Variants in REX1BD observed in about 807,000 individuals in gnomAD.
REX1BD encodes required for excision 1-B domain containing.
In REX1BD, 22 loss-of-function variants were observed where a neutral mutation model predicts 24.4. The observed-to-expected ratio is 0.90, with a 90% confidence interval of 0.64 to 1.29. The LOEUF is 1.29. Ranked by LOEUF, REX1BD falls within the 50% of genes most tolerant of loss-of-function variation. The pLI, the probability that REX1BD is intolerant of heterozygous loss-of-function variation, is 0.00. For synonymous variants in REX1BD, 146 were observed against 125.9 expected (o/e 1.16, Z -1.07); for missense variants, 293 against 285.3 (o/e 1.03, Z -0.19).
Position 18,588,800 on chromosome 19 carries a change from T to A in REX1BD, c.-2T>A. On this transcript the variant is annotated 5_prime_UTR_variant, in exon 1 of 5. Coordinates refer to ENST00000358607, the MANE Select transcript of REX1BD (RefSeq NM_001100418.2). The stretch of plus-strand genomic sequence containing the variant: ...CCGGAGCCTGGCCAGGGCTGCGCAG[T>A]CATGATCACCGAGACCGCGGCGGAG... 6.5e-7 allele frequency: 1 copy of A among 1,531,752 alleles called. No homozygotes were observed. Among genetic ancestry groups the A allele is most frequent in the Non-Finnish European group, 8.7e-7 (1 of 1,145,422 alleles). 94.9% of individuals were successfully genotyped at this position (1,531,752 alleles called of 1,614,324 possible).
rs1469100208 is a variant in REX1BD at position 18,589,545 on chromosome 19, C to T, written c.315C>T (p.His105=). The change falls in exon 3 of 5, where the codon CAC becomes CAT. Residue 105 remains histidine, a synonymous_variant. Coordinates refer to ENST00000358607, the MANE Select transcript of REX1BD (RefSeq NM_001100418.2). ...YDFARYRSTV[H]GVTQAFAAAS... ...TCGCGCGCTACCGGAGCACAGTGCA[C>T]GGGGTGACCCAGGCCTTCGCCGCCG... is the stretch of plus-strand genomic sequence containing the variant. The T allele has an allele frequency of 6.3e-7, 1 of 1,577,024 alleles. No individual in the cohort carries two copies. Among genetic ancestry groups the T allele is most frequent in the Non-Finnish European group, 8.6e-7 (1 of 1,168,778 alleles).
In REX1BD at chr19:18,589,176, T is replaced by C. The variant is rs950904825; in HGVS notation, c.182+99T>C. On this transcript the variant is annotated intron_variant, in intron 2 of 4. Coordinates refer to ENST00000358607, the MANE Select transcript of REX1BD (RefSeq NM_001100418.2). ...GTGCCTGGAGGAGGAGCTGGGTCCT[T>C]GTGTGGCTGCAGAGTCAGATGGGGC... 3 of 1,484,082 alleles carry C rather than the reference T, an allele frequency of 2.0e-6. No individual in the cohort carries two copies. The African/African-American group carries it at 4.2e-5, about 21-fold the overall frequency. The allele number at this position is 1,484,082 out of a possible 1,614,324, so 91.9% of individuals were successfully genotyped here.
Position 18,589,660 on chromosome 19 carries a change from C to G in REX1BD, c.430C>G (p.Leu144Val). 10 of 1,494,124 alleles carry G rather than the reference C, an allele frequency of 6.7e-6. No individual in the cohort carries two copies. The highest frequency in any genetic ancestry group is 8.9e-6 in the Non-Finnish European group (10 of 1,129,934). The allele number at this position is 1,494,124 out of a possible 1,614,324, so 92.6% of individuals were successfully genotyped here. A position where few individuals can be genotyped will look rare whatever the true frequency, so the allele number is the denominator to read the frequency against. ...LAGHVRSLQE[L>V]EQTRLGTVAL... is the part of the protein sequence containing the mutation. ...CGGCCACGTGCGCAGCCTGCAGGAG[C>G]TGGAGCAGACGCGGCTGGGCACGGT... Residue 144 changes from leucine (L) to valine (V), a missense_variant, in exon 3 of 5, where the codon CTG becomes GTG. Transcript: ENST00000358607.
At chr19:18,590,079 C>A in intron 3 of REX1BD, 1 of 213,362 alleles carries the variant, frequency 4.7e-6, no homozygotes, top group East Asian at 1.1e-4. Flanking sequence ...TCCTCCATCA[C>A]AGCTTTAGTT....
rs1327728427 is a variant in REX1BD at position 18,592,092 on chromosome 19, C to A, written c.534-16C>A. On this transcript the variant is annotated splice_polypyrimidine_tract_variant and intron_variant, in intron 4 of 4. Coordinates refer to ENST00000358607, the MANE Select transcript of REX1BD (RefSeq NM_001100418.2). ...CCCATCTGGGTTTTATTTATAGTTCCCATCCGCTCTTGTAGGGTAATTAAA... is the reference window on the plus strand; with the variant it reads ...CCCATCTGGGTTTTATTTATAGTTCACATCCGCTCTTGTAGGGTAATTAAA... 6.2e-7 allele frequency: 1 copy of A among 1,613,954 alleles called. No homozygotes were observed. The highest frequency in any genetic ancestry group is 2.2e-5 in the East Asian group (1 of 44,890).
At chr19:18,589,312 G>A in intron 2 of REX1BD, 101 bp from the exon 3 acceptor site, 1 of 1,544,394 alleles carries the variant, frequency 6.5e-7, no homozygotes, top group Non-Finnish European at 8.7e-7. Flanking sequence ...AAGAGCAGGG[G>A]TGGGCCTGTC....
Position 18,588,855 on chromosome 19 carries a change from G to A in REX1BD, c.54G>A (p.Glu18=). 1 of 1,533,330 alleles carries A rather than the reference G, an allele frequency of 6.5e-7. No individual in the cohort carries two copies. The allele number at this position is 1,533,330 out of a possible 1,614,324, so 95.0% of individuals were successfully genotyped here. A position where few individuals can be genotyped will look rare whatever the true frequency, so the allele number is the denominator to read the frequency against. The part of the protein sequence containing the change: ...EPTVPAVPAA[E]EATEARGREE... The stretch of plus-strand genomic sequence containing the variant: ...CGGTCCCTGCAGTGCCTGCTGCTGA[G>A]GAGGCCACCGAAGCTCGGGGACGCG... The change falls in exon 1 of 5, where the codon GAG becomes GAA. Residue 18 remains glutamate (E), a synonymous_variant. Transcript: ENST00000358607.
chr19:18,588,833 T>C lies in REX1BD; in HGVS notation c.32T>C (p.Val11Ala). 6.5e-7 allele frequency: 1 copy of C among 1,531,874 alleles called. No individual in the cohort carries two copies. The highest frequency in any genetic ancestry group is 2.5e-5 in the East Asian group (1 of 40,544). The allele number at this position is 1,531,874 out of a possible 1,614,324, so 94.9% of individuals were successfully genotyped here. MITETAAEPT[V>A]PAVPAAEEAT... ...ACCGAGACCGCGGCGGAGCCTACGG[T>C]CCCTGCAGTGCCTGCTGCTGAGGAG... Residue 11 changes from valine to alanine, a missense_variant, in exon 1 of 5, where the codon GTC becomes GCC. Coordinates refer to ENST00000358607, the MANE Select transcript of REX1BD (RefSeq NM_001100418.2).
Position 18,589,461 on chromosome 19 carries a change from G to T in REX1BD, c.231G>T (p.Arg77Ser). 2 of 1,557,664 alleles carry T rather than the reference G, an allele frequency of 1.3e-6. No homozygotes were observed. Among genetic ancestry groups the T allele is most frequent in the Non-Finnish European group, 1.7e-6 (2 of 1,151,876 alleles). The part of the protein sequence containing the change: ...QGLRAWGRGL[R>S]VPTCRRGHRQ... Reference sequence around the variant, plus strand: ...TGAGAGCCTGGGGGCGCGGCCTCAGGGTCCCCACATGCCGCAGAGGCCACC... The same window carrying T: ...TGAGAGCCTGGGGGCGCGGCCTCAGTGTCCCCACATGCCGCAGAGGCCACC... The change falls in exon 3 of 5, where the codon AGG (arginine) becomes AGT (serine). Residue 77 changes from arginine to serine, a missense_variant. Coordinates refer to ENST00000358607, the MANE Select transcript of REX1BD (RefSeq NM_001100418.2).
At chr19:18,589,260 A>G in intron 2 of REX1BD, 153 bp from the exon 3 acceptor site, 1 of 1,535,560 alleles carries the variant, frequency 6.5e-7, no homozygotes, top group Non-Finnish European at 8.7e-7. Context: ...GCACGTCCCC[A>G]CTACCCGACG....
At chr19:18,589,120 C>G (rs1202059317) in intron 2 of REX1BD, 43 bp downstream of exon 2, 1 of 1,461,306 alleles carries the variant, frequency 6.8e-7, no homozygotes, top group South Asian at 1.4e-5. Flanking sequence ...GTCCCCCGCC[C>G]GCTCCGGGCG....
intron 3 of REX1BD, chr19:18,590,588 C>T (rs373673665): frequency 1.5e-5 from 6 of 392,528 alleles, no homozygotes; most frequent in East Asian, 1.5e-4. Context: ...CCCACCCCTA[C>T]GGCCAATGCC....
intron 3 of REX1BD, 122 bp downstream of exon 3, chr19:18,589,805 A>C (rs1976000968): frequency 3.8e-6 from 5 of 1,311,406 alleles, no homozygotes; most frequent in Non-Finnish European, 5.0e-6. Context: ...TTCCTGTCCC[A>C]CCCCAATCCT....
At chr19:18,589,855 C>A (rs10416678) in intron 3 of REX1BD, 172 bp downstream of exon 3, 1 of 1,016,048 alleles carries the variant, frequency 9.8e-7, no homozygotes, top group Non-Finnish European at 1.3e-6. Context: ...ACCTTGCCCT[C>A]TGCTGTTCAT....
chr19:18,590,211 G>GTTTTTTTTTTTTT (rs372846586), intron 3 of REX1BD: 1 of 73,312 alleles, frequency 1.4e-5, no homozygotes, highest in African/African-American at 7.1e-5. Flanking sequence ...TTTTCTTTCT[G>GTTTTTTTTTTTTT]GTGTTTTTTT....
chr19:18,590,712 T>C, intron 3 of REX1BD, 142 bp from the exon 4 acceptor site: 1 of 720,286 alleles, frequency 1.4e-6, no homozygotes, highest in Non-Finnish European at 2.3e-6. Flanking sequence ...TTCGGACTCT[T>C]CCTACACAAA....
At chr19:18,592,068 C>T (rs961495459) in intron 4 of REX1BD, 40 bp from the exon 5 acceptor site, 32 of 1,611,880 alleles carry the variant, frequency 2.0e-5, no homozygotes, top group Non-Finnish European at 2.7e-5. Flanking sequence ...CTAATTCACC[C>T]CATCTGGGTT....
chr19:18,589,343 C>T, intron 2 of REX1BD, 70 bp from the exon 3 acceptor site: 1 of 1,548,858 alleles, frequency 6.5e-7, no homozygotes, highest in Non-Finnish European at 8.7e-7. Flanking sequence ...CTGCGGGAGT[C>T]AGGAAGCGTC....
At chr19:18,589,988 TGTTCCGC>T (rs1976004312) in intron 3 of REX1BD, 1 of 385,764 alleles carries the variant, frequency 2.6e-6, no homozygotes, top group Non-Finnish European at 4.6e-6. Context: ...CCACTCTGGT[TGTTCCGC>T]GTCTAGGGTC....
Sources: allele counts gnomAD v4.1 joint callset, GRCh38; gene constraint gnomAD v4.1.1; transcripts MANE v1.5; gene names NCBI Gene and HGNC (gene_info 2026-07-23, HGNC 2026-07-21).